Variants in HIPK2 observed in about 807,000 individuals in gnomAD.
HIPK2 encodes the protein homeodomain-interacting protein kinase 2.
A neutral mutation model predicts 113.7 loss-of-function variants in HIPK2; 27 were observed. The ratio of observed to expected loss-of-function variants is 0.24; its 90% CI spans 0.17 to 0.33. HIPK2 has a LOEUF of 0.33. HIPK2 is among the 10% of genes least tolerant of loss of function. The pLI is 1.00. For missense variants in HIPK2, 1,257 were observed against 1,588.0 expected, an observed-to-expected ratio of 0.79 and a Z score of 3.54; for synonymous variants, 631 against 642.2, an observed-to-expected ratio of 0.98 and a Z score of 0.26.
intron 1 of HIPK2, among the ~76,000 whole-genome samples, chr7:139,753,782 C>T (rs576607047): frequency 2.6e-5 from 4 of 152,356 alleles, no homozygotes; most frequent in South Asian, 4.1e-4. Flanking sequence ...CCCCAGCCAA[C>T]GCCCTGACCC....
chr7:139,667,490 T>C (rs1430816481), intron 2 of HIPK2, among the ~76,000 whole-genome samples: 1 of 152,208 alleles, frequency 6.6e-6, no homozygotes, highest in East Asian at 1.9e-4. Context: ...TAGTTTTTAA[T>C]TAATTTTATA....
chr7:139,642,161 G>A (rs1801048914), intron 2 of HIPK2, among the ~76,000 whole-genome samples: 1 of 152,204 alleles, frequency 6.6e-6, no homozygotes, highest in Non-Finnish European at 1.5e-5. Flanking sequence ...ACCTCAGTAT[G>A]GCTGGGGCAG....
At chr7:139,686,788 C>T (rs962438100) in intron 2 of HIPK2, among the ~76,000 whole-genome samples, 11 of 152,164 alleles carry the variant, frequency 7.2e-5, no homozygotes, top group East Asian at 1.9e-4. Context: ...CCATAAGCCT[C>T]GTTGATAAAG....
intron 2 of HIPK2, among the ~76,000 whole-genome samples, chr7:139,711,326 G>A (rs1412935173): frequency 6.6e-6 from 1 of 152,132 alleles, no homozygotes; most frequent in Non-Finnish European, 1.5e-5. Flanking sequence ...TACTCAGGAG[G>A]CTGAAGCAGA....
chr7:139,770,474 T>C (rs141784993), intron 1 of HIPK2, among the ~76,000 whole-genome samples: 31 of 152,348 alleles, frequency 2.0e-4, no homozygotes, highest in East Asian at 1.7e-3. Flanking sequence ...AACGATTCCA[T>C]AGGTTGAATC....
Position 139,581,220 on chromosome 7 carries a change from G to A in HIPK2, c.2965+2597C>T, listed in dbSNP as rs529935123. On this transcript the variant is annotated intron_variant, in intron 13 of 14. Transcript: ENST00000406875. Reference sequence around the variant, plus strand: ...GGGTGACACAGCGAGACTCCTCTCCGGAAAAAAAAGCAACGACAAGTGTCT... The same window carrying A: ...GGGTGACACAGCGAGACTCCTCTCCAGAAAAAAAAGCAACGACAAGTGTCT... 5.9e-5 allele frequency among the ~76,000 whole-genome samples: 9 copies of A among 152,064 alleles called. No homozygotes were observed. In the East Asian group the frequency reaches 1.2e-3, roughly 20 times the overall value.
chr7:139,762,799 G>C (rs546847222), intron 1 of HIPK2, among the ~76,000 whole-genome samples: 9 of 152,378 alleles, frequency 5.9e-5, no homozygotes, highest in African/African-American at 2.2e-4. Context: ...GACAACCACA[G>C]ATGGGTTTCT....
At chr7:139,763,184 G>T (rs751222212) in intron 1 of HIPK2, among the ~76,000 whole-genome samples, 7 of 152,178 alleles carry the variant, frequency 4.6e-5, no homozygotes, top group Non-Finnish European at 1.0e-4. Flanking sequence ...GAAGCAAGCC[G>T]GGACTGTGCT....
chr7:139,667,778 A>G (rs1802098683), intron 2 of HIPK2, among the ~76,000 whole-genome samples: 1 of 152,220 alleles, frequency 6.6e-6, no homozygotes, highest in African/African-American at 2.4e-5. Flanking sequence ...GGTGTTAAGT[A>G]GTAAATATAT....
intron 2 of HIPK2, among the ~76,000 whole-genome samples, chr7:139,715,046 C>T (rs1795181470): frequency 6.6e-6 from 1 of 152,214 alleles, no homozygotes. Flanking sequence ...AAAGCCAGCA[C>T]TCCGATCTCA....
chr7:139,656,304 G>A (rs1470167501), intron 2 of HIPK2, among the ~76,000 whole-genome samples: 4 of 152,174 alleles, frequency 2.6e-5, no homozygotes, highest in East Asian at 3.9e-4. Context: ...CCCACAAAAC[G>A]GGGCTCCTCT....
chr7:139,671,637 C>T (rs1352739485), intron 2 of HIPK2, among the ~76,000 whole-genome samples: 12 of 152,098 alleles, frequency 7.9e-5, no homozygotes, highest in Non-Finnish European at 1.3e-4. Flanking sequence ...CTGCAACCTC[C>T]GTCTCCTGGT....
chr7:139,659,515 G>A (rs1440115027), intron 2 of HIPK2, among the ~76,000 whole-genome samples: 3 of 152,228 alleles, frequency 2.0e-5, no homozygotes, highest in Non-Finnish European at 2.9e-5. Context: ...CGGATAGAGA[G>A]AGATTCCTGC....
intron 2 of HIPK2, among the ~76,000 whole-genome samples, chr7:139,651,650 T>C (rs1269636694): frequency 1.3e-5 from 2 of 152,172 alleles, no homozygotes; most frequent in Admixed American, 1.3e-4. Flanking sequence ...TTACATGAAA[T>C]CACTGCTTTT....
intron 1 of HIPK2, among the ~76,000 whole-genome samples, chr7:139,754,816 C>T (rs1048266323): frequency 1.3e-5 from 2 of 152,030 alleles, no homozygotes; most frequent in African/African-American, 2.4e-5. Flanking sequence ...TGATGGAATT[C>T]GAAAGCTAGG....
intron 2 of HIPK2, among the ~76,000 whole-genome samples, chr7:139,699,913 C>T (rs1392828050): frequency 6.6e-6 from 1 of 152,208 alleles, no homozygotes; most frequent in Non-Finnish European, 1.5e-5. Flanking sequence ...GCACACTATG[C>T]CACCTTTGTC....
chr7:139,675,882 C>T (rs985178924), intron 2 of HIPK2, among the ~76,000 whole-genome samples: 1 of 152,206 alleles, frequency 6.6e-6, no homozygotes, highest in Non-Finnish European at 1.5e-5. Flanking sequence ...GATGCCTGAA[C>T]AGATGGCTGT....
chr7:139,597,055 C>T (rs938910317), intron 11 of HIPK2, 57 bp from the exon 12 acceptor site: 91 of 1,524,240 alleles, frequency 6.0e-5, no homozygotes, highest in African/African-American at 1.1e-4. Context: ...ACAACTCCTT[C>T]GAAGGAGCCC....
intron 1 of HIPK2, among the ~76,000 whole-genome samples, chr7:139,750,009 A>C (rs73474134): frequency 0.044 from 6,732 of 151,982 alleles, 483 homozygotes; most frequent in African/African-American, 0.15. Context: ...CCGCTCTCCA[A>C]CCTCCCGTCC....
Sources: gnomAD v4.1 joint callset for allele counts (sites outside exome capture counted in the v4.1 genomes callset) on GRCh38, gnomAD v4.1.1 for gene constraint, MANE v1.5 for transcripts, NCBI Gene and HGNC (gene_info 2026-07-23, HGNC 2026-07-21) for gene names.